Variants in GLE1 observed in about 807,000 individuals in gnomAD.
The protein encoded by GLE1 is mRNA export factor GLE1.
Under a neutral mutation model 97.3 loss-of-function variants are expected in GLE1, and 78 were observed. That is an observed-to-expected ratio of 0.80 (90% CI 0.67 to 0.97). The LOEUF (loss-of-function observed/expected upper bound fraction) is 0.97, where lower values mean the gene tolerates loss of function less well. GLE1 is among the 50% of genes least tolerant of loss of function. The pLI is 0.00. For synonymous variants in GLE1, 302 were observed against 313.4 expected (o/e 0.96, Z 0.39); for missense variants, 753 against 857.5 (o/e 0.88, Z 1.52).
Position 128,533,771 on chromosome 9 carries a change from A to G in GLE1, c.1466A>G (p.Glu489Gly). 6.2e-7 allele frequency: 1 copy of G among 1,614,192 alleles called. No individual in the cohort carries two copies. Among genetic ancestry groups the G allele is most frequent in the East Asian group, 2.2e-5 (1 of 44,886 alleles). Reference sequence around the variant, plus strand: ...CCTCTATGTTCTCAGAAACAAGGCGAGGAGGAAGTGGCCTCTCACCATGAA... The same window carrying G: ...CCTCTATGTTCTCAGAAACAAGGCGGGGAGGAAGTGGCCTCTCACCATGAA... ...KLAEKFVKQG[E>G]EEVASHHEAA... The change falls in exon 11 of 16, where the codon GAG becomes GGG. Residue 489 changes from glutamate to glycine, a missense_variant. Coordinates refer to ENST00000309971, the MANE Select transcript of GLE1 (RefSeq NM_001003722.2).
At chr9:128,537,957 C>A in intron 12 of GLE1, 29 bp from the exon 13 acceptor site, 1 of 1,263,722 alleles carries the variant, frequency 7.9e-7, no homozygotes, top group Non-Finnish European at 1.2e-6. Flanking sequence ...AAAATGAGAT[C>A]AATGATAACC....
At chr9:128,512,544 A>G (rs940604410) in intron 2 of GLE1, among the ~76,000 whole-genome samples, 5 of 152,202 alleles carry the variant, frequency 3.3e-5, no homozygotes, top group African/African-American at 1.2e-4. Context: ...TTTTATGAGC[A>G]GCTTCTTGGC....
chr9:128,540,956 A>C (rs1847867723), intron 15 of GLE1, 146 bp from the exon 16 acceptor site: 2 of 683,138 alleles, frequency 2.9e-6, no homozygotes, highest in Non-Finnish European at 2.7e-6. Flanking sequence ...CTTATACAGA[A>C]CCATCAGTCT....
In GLE1 at chr9:128,523,611, G is replaced by C; in HGVS notation, c.662G>C (p.Arg221Pro). ...HRAKILNLKL[R>P]EAEQQRVKQA... The stretch of plus-strand genomic sequence containing the variant: ...CTACAGATTCTCAACCTGAAGCTGC[G>C]GGAAGCAGAGCAGCAGCGCGTGAAG... Residue 221 changes from arginine to proline, a missense_variant, in exon 6 of 16, where the codon CGG becomes CCG. Transcript: ENST00000309971. 1.9e-6 allele frequency: 3 copies of C among 1,614,048 alleles called. No individual in the cohort carries two copies. The highest frequency in any genetic ancestry group is 2.5e-6 in the Non-Finnish European group (3 of 1,180,016).
rs1847324311 is a variant in GLE1, at chr9:128,527,170, A to C, written c.1130-9A>C. On this transcript the variant is annotated splice_polypyrimidine_tract_variant and intron_variant, in intron 7 of 15. Transcript: ENST00000309971. ...TAGCTATTACTAAAACCTCTCTTTT[A>C]TTTCTCAGACCTCCAGGTGAAGGTA... 1.3e-6 allele frequency: 2 copies of C among 1,485,516 alleles called. No homozygotes were observed. The highest frequency in any genetic ancestry group is 1.9e-6 in the Non-Finnish European group (2 of 1,062,630). The allele number at this position is 1,485,516 out of a possible 1,614,324, so 92.0% of individuals were successfully genotyped here. A position where few individuals can be genotyped will look rare whatever the true frequency, so the allele number is the denominator to read the frequency against.
intron 2 of GLE1, 152 bp downstream of exon 2, chr9:128,509,249 T>C (rs1191411634): frequency 5.8e-6 from 4 of 690,442 alleles, no homozygotes; most frequent in Admixed American, 4.1e-5. Context: ...CACCATTCAG[T>C]GTTCTCTTTA....
At chr9:128,512,382 A>G (rs1846850557) in intron 2 of GLE1, among the ~76,000 whole-genome samples, 1 of 152,212 alleles carries the variant, frequency 6.6e-6, no homozygotes, top group Admixed American at 6.5e-5. Context: ...TTGTACCAAT[A>G]TCAATTTACT....
intron 9 of GLE1, 86 bp from the exon 10 acceptor site, chr9:128,533,427 C>CAAAAAAAAAAAAAAAAAAAA (rs5900802): frequency 2.9e-6 from 1 of 339,740 alleles, no homozygotes. Flanking sequence ...GATACTGTCT[C>CAAAAAAAAAAAAAAAAAAAA]AAAAAAAAAA....
intron 1 of GLE1, among the ~76,000 whole-genome samples, chr9:128,505,125 C>T (rs887100319): frequency 6.6e-5 from 10 of 152,206 alleles, no homozygotes; most frequent in Non-Finnish European, 1.3e-4. Flanking sequence ...GTGCCCCGCG[C>T]TCTGAAGGCT....
intron 1 of GLE1, among the ~76,000 whole-genome samples, chr9:128,507,887 C>G (rs913744660): frequency 7.7e-6 from 1 of 129,572 alleles, no homozygotes; most frequent in African/African-American, 3.0e-5. Context: ...GACTCCATCT[C>G]AAAAAAAAGG....
In GLE1 at chr9:128,508,896, G is replaced by C; in HGVS notation, c.120G>C (p.Met40Ile). The change falls in exon 2 of 16, where the codon ATG becomes ATC. Residue 40 changes from methionine (M) to isoleucine (I), a missense_variant. Met to Ile is a conservative substitution (Grantham distance 10, BLOSUM62 1). Transcript: ENST00000309971. ...TCTAGGATGTTTTAGAAGAATGTAT[G>C]TCTCTTCCCAAGCTATCTTCTTATT... is the stretch of plus-strand genomic sequence containing the variant. ...LRREDVLEEC[M>I]SLPKLSSYSG... The C allele has an allele frequency of 6.2e-7, 1 of 1,602,608 alleles. No individual in the cohort carries two copies. Among genetic ancestry groups the C allele is most frequent in the Non-Finnish European group, 8.6e-7 (1 of 1,169,552 alleles).
At position 128,523,385 on chromosome 9, in the gene GLE1, G is replaced by A. The variant is rs754375641; in HGVS notation, c.642+45G>A. 5 of 1,543,632 alleles carry A rather than the reference G, an allele frequency of 3.2e-6. No homozygotes were observed. The East Asian group carries it at 9.0e-5, about 28-fold the overall frequency. On this transcript the variant is annotated intron_variant, in intron 5 of 15. Transcript: ENST00000309971. ...GGTGTGGGTGTTTTGGTGTCTGTCT[G>A]TAACCTGCCTGGAGAGCCAGGTTTT...
At chr9:128,527,797 C>CT (rs1310977740) in intron 9 of GLE1, among the ~76,000 whole-genome samples, 1 of 151,604 alleles carries the variant, frequency 6.6e-6, no homozygotes, top group African/African-American at 2.4e-5. Context: ...AACCCTGTCT[C>CT]TACTAAAAAT....
chr9:128,507,887 CAAAAA>C (rs775086199), intron 1 of GLE1, among the ~76,000 whole-genome samples: 24 of 129,660 alleles, frequency 1.9e-4, no homozygotes, highest in South Asian at 9.7e-4. Flanking sequence ...GACTCCATCT[CAAAAA>C]AAAGGCTGGG....
rs1425406291 is a variant in GLE1, at chr9:128,533,577, T to C, written c.1377T>C (p.Ser459=). ...TGCTCTCTGGAAAACCTGTTCAATC[T>C]GGTGGGCGCTCTGTGTCTGTCACAC... is the stretch of plus-strand genomic sequence containing the variant. ...HSLLSGKPVQ[S]GGRSVSVTLN... The change falls in exon 10 of 16, where the codon TCT becomes TCC. Residue 459 remains serine, a synonymous_variant. Coordinates refer to ENST00000309971, the MANE Select transcript of GLE1 (RefSeq NM_001003722.2). The C allele has an allele frequency of 1.2e-6, 2 of 1,613,564 alleles. No individual in the cohort carries two copies. The highest frequency in any genetic ancestry group is 2.7e-5 in the African/African-American group (2 of 74,904).
intron 5 of GLE1, 49 bp downstream of exon 5, chr9:128,523,389 C>A: frequency 6.5e-7 from 1 of 1,535,094 alleles, no homozygotes; most frequent in East Asian, 2.2e-5. Context: ...CTGTCTGTAA[C>A]CTGCCTGGAG....
chr9:128,505,412 G>A (rs2132392813), intron 1 of GLE1, among the ~76,000 whole-genome samples: 1 of 152,302 alleles, frequency 6.6e-6, no homozygotes, highest in African/African-American at 2.4e-5. Context: ...AGTTAAGGCC[G>A]AGCTCCCATT....
rs1015391374 is a variant in GLE1, at chr9:128,508,792, C to G, written c.100-84C>G. 24 of 827,718 alleles carry G rather than the reference C, an allele frequency of 2.9e-5. No homozygotes were observed. The African/African-American group carries it at 3.7e-4, about 13-fold the overall frequency. The allele number at this position is 827,718 out of a possible 1,614,324, so 51.3% of individuals were successfully genotyped here. ...TTTGATGTTTATTTATTTAGGCCTTCTTAGATGTTCAGTAAGGCATGTAGT... is the reference window on the plus strand; with the variant it reads ...TTTGATGTTTATTTATTTAGGCCTTGTTAGATGTTCAGTAAGGCATGTAGT... On this transcript the variant is annotated intron_variant, in intron 1 of 15. Coordinates refer to ENST00000309971, the MANE Select transcript of GLE1 (RefSeq NM_001003722.2).
chr9:128,515,280 A>T (rs962329762), intron 2 of GLE1, among the ~76,000 whole-genome samples: 61 of 152,102 alleles, frequency 4.0e-4, no homozygotes, highest in Non-Finnish European at 6.8e-4. Flanking sequence ...CAAACAAGTC[A>T]AAAAAAACAT....
Sources: gnomAD v4.1 joint callset for allele counts (sites outside exome capture counted in the v4.1 genomes callset) on GRCh38, gnomAD v4.1.1 for gene constraint, MANE v1.5 for transcripts, NCBI Gene and HGNC (gene_info 2026-07-23, HGNC 2026-07-21) for gene names.